Variants in ANO3 observed in about 807,000 individuals in gnomAD.
ANO3 encodes anoctamin-3.
A neutral mutation model predicts 144.8 loss-of-function variants in ANO3; 99 were observed. The observed-to-expected ratio is 0.68, with a 90% CI of 0.58 to 0.81. ANO3 has a LOEUF of 0.81. Among genes scored for constraint, ANO3 ranks in the 30% least tolerant of loss-of-function variants. The probability of loss-of-function intolerance (pLI) is 0.00; values close to 1 mark genes in which losing one functional copy is unlikely to be tolerated. For missense variants in ANO3, 905 were observed against 1,202.2 expected, an observed-to-expected ratio of 0.75 and a Z score of 3.66; for synonymous variants, 414 against 392.6, an observed-to-expected ratio of 1.05 and a Z score of -0.64.
intron 17 of ANO3, among the ~76,000 whole-genome samples, chr11:26,614,918 T>G (rs973951518): frequency 2.6e-5 from 4 of 152,184 alleles, no homozygotes; most frequent in Non-Finnish European, 4.4e-5. Context: ...TTTGTTGTTT[T>G]GGTTCCTTTT....
At chr11:26,471,502 A>G (rs1859781952) in intron 4 of ANO3, among the ~76,000 whole-genome samples, 1 of 151,990 alleles carries the variant, frequency 6.6e-6, no homozygotes. Context: ...TAAGTAGACT[A>G]AATATTTTCA....
At chr11:26,409,812 C>T (rs1035159137) in intron 1 of ANO3, among the ~76,000 whole-genome samples, 3 of 151,910 alleles carry the variant, frequency 2.0e-5, no homozygotes, top group African/African-American at 7.2e-5. Context: ...CCTTTTGCTT[C>T]TAGCAAAATG....
At chr11:26,353,752 T>C (rs1430998918) in intron 1 of ANO3, among the ~76,000 whole-genome samples, 1 of 152,158 alleles carries the variant, frequency 6.6e-6, no homozygotes, top group African/African-American at 2.4e-5. Context: ...CATTTTTTAG[T>C]AGAGACAGCG....
chr11:26,641,787 C>T, intron 21 of ANO3, 109 bp from the exon 22 acceptor site: 1 of 1,169,790 alleles, frequency 8.5e-7, no homozygotes, highest in Non-Finnish European at 1.1e-6. Context: ...CAAATACCTC[C>T]AATTCCGAGG....
At chr11:26,461,839 A>G (rs1161630696) in intron 3 of ANO3, among the ~76,000 whole-genome samples, 1 of 152,062 alleles carries the variant, frequency 6.6e-6, no homozygotes, top group Non-Finnish European at 1.5e-5. Flanking sequence ...AGTTGTCATC[A>G]GAATGAAAGA....
At chr11:26,293,017 G>A (rs904513168) in intron 1 of ANO3, among the ~76,000 whole-genome samples, 30 of 152,180 alleles carry the variant, frequency 2.0e-4, no homozygotes, top group African/African-American at 7.2e-4. Context: ...GGGAACTGTA[G>A]ACTGGAGCTG....
At chr11:26,611,890 TA>T (rs1317485086) in intron 17 of ANO3, among the ~76,000 whole-genome samples, 1 of 152,108 alleles carries the variant, frequency 6.6e-6, no homozygotes, top group Non-Finnish European at 1.5e-5. Flanking sequence ...GTTTTTGACT[TA>T]AAGTCTATTT....
chr11:26,369,149 T>A (rs754167204), intron 1 of ANO3, among the ~76,000 whole-genome samples: 1 of 152,106 alleles, frequency 6.6e-6, no homozygotes, highest in Non-Finnish European at 1.5e-5. Context: ...TGTGGGTATG[T>A]GTGTGCATGC....
chr11:26,595,487 T>TTTTA (rs1435173152), intron 14 of ANO3, among the ~76,000 whole-genome samples: 1 of 132,554 alleles, frequency 7.5e-6, no homozygotes, highest in African/African-American at 2.7e-5. Flanking sequence ...TTTTTTTTTT[T>TTTTA]ATTCTGTAAG....
chr11:26,307,759 AC>A (rs1362856294), upstream of ANO3, among the ~76,000 whole-genome samples: 2 of 149,262 alleles, frequency 1.3e-5, no homozygotes, highest in African/African-American at 4.9e-5. Flanking sequence ...AATAATAATA[AC>A]AATTTAATGA....
intron 1 of ANO3, among the ~76,000 whole-genome samples, chr11:26,295,888 C>T (rs1854078941): frequency 6.6e-6 from 1 of 152,148 alleles, no homozygotes; most frequent in South Asian, 2.1e-4. Flanking sequence ...GAAATGTCTC[C>T]TTTCTACTCT....
intron 1 of ANO3, among the ~76,000 whole-genome samples, chr11:26,195,309 T>C (rs1377086199): frequency 2.0e-5 from 3 of 152,200 alleles, no homozygotes; most frequent in Non-Finnish European, 2.9e-5. Flanking sequence ...CAGGAGTCCT[T>C]GTAAAGTAGC....
At chr11:26,249,748 T>C (rs766830178) in intron 1 of ANO3, among the ~76,000 whole-genome samples, 1 of 151,870 alleles carries the variant, frequency 6.6e-6, no homozygotes, top group Admixed American at 6.6e-5. Flanking sequence ...AGGGATTTGG[T>C]CTAAGCTAAA....
chr11:26,624,555 A>C, intron 18 of ANO3, 57 bp downstream of exon 18: 3 of 1,233,968 alleles, frequency 2.4e-6, no homozygotes, highest in Non-Finnish European at 3.5e-6. Context: ...TGGGCATTTC[A>C]GTCTGTAGTT....
chr11:26,415,531 A>T (rs1177488609), intron 1 of ANO3, among the ~76,000 whole-genome samples: 2 of 152,140 alleles, frequency 1.3e-5, no homozygotes, highest in East Asian at 3.9e-4. Context: ...CTAGTAGGAC[A>T]GTCTTTTGAA....
chr11:26,642,536 G>T (rs1322478586), intron 22 of ANO3, among the ~76,000 whole-genome samples: 1 of 148,044 alleles, frequency 6.8e-6, no homozygotes, highest in Non-Finnish European at 1.5e-5. Context: ...TTTTTTAGTA[G>T]AGATGGAGTT....
intron 1 of ANO3, among the ~76,000 whole-genome samples, chr11:26,317,536 C>A (rs1013527341): frequency 6.6e-6 from 1 of 152,024 alleles, no homozygotes; most frequent in African/African-American, 2.4e-5. Context: ...ATTACAGAAA[C>A]GCAAATCAAA....
chr11:26,220,590 A>G (rs1184444284), intron 1 of ANO3, among the ~76,000 whole-genome samples: 1 of 152,224 alleles, frequency 6.6e-6, no homozygotes, highest in Non-Finnish European at 1.5e-5. Flanking sequence ...AAATTGAGGA[A>G]TATCTGGTGA....
In ANO3 at chr11:26,385,637, T is replaced by C. The variant is rs529955284; in HGVS notation, c.46+53316T>C. Among the ~76,000 whole-genome samples the C allele has an allele frequency of 1.1e-4, 16 of 152,274 alleles. No individual in the cohort carries two copies. The South Asian group carries it at 3.3e-3, about 32-fold the overall frequency. ...AGGTGACAATGACTGTGACTCTGCC[T>C]ATTAATGGGACCCCTGTGATTACAC... On this transcript the variant is annotated intron_variant, in intron 1 of 26. Transcript: ENST00000256737.
Sources: gnomAD v4.1 joint callset for allele counts (sites outside exome capture counted in the v4.1 genomes callset) on GRCh38, gnomAD v4.1.1 for gene constraint, MANE v1.5 for transcripts, NCBI Gene and HGNC (gene_info 2026-07-23, HGNC 2026-07-21) for gene names.